NCOA2: variants seen among roughly 807,000 people sequenced by gnomAD.
The protein encoded by NCOA2 is nuclear receptor coactivator 2.
NCOA2 carries 21 observed loss-of-function variants against 145.1 expected under a neutral mutation model. That is an observed-to-expected ratio of 0.14 (90% confidence interval 0.10 to 0.21). NCOA2 has a LOEUF of 0.21. Among genes scored for constraint, NCOA2 ranks in the 10% least tolerant of loss-of-function variants. The pLI is 1.00. For missense variants in NCOA2, 1,472 were observed against 1,837.6 expected, an observed-to-expected ratio of 0.80 and a Z score of 3.64; for synonymous variants, 619 against 637.5, an observed-to-expected ratio of 0.97 and a Z score of 0.44.
the NCOA2 span, among the ~76,000 whole-genome samples, chr8:70,452,420 C>CA: frequency 6.6e-6 from 1 of 151,942 alleles, no homozygotes; most frequent in East Asian, 1.9e-4. Flanking sequence ...TAACTATAAT[C>CA]AAAAAAAGAG....
chr8:70,297,677 G>A (rs757863435), intron 1 of NCOA2, among the ~76,000 whole-genome samples: 2 of 152,132 alleles, frequency 1.3e-5, no homozygotes, highest in African/African-American at 4.8e-5. Flanking sequence ...TAATAACCAA[G>A]ATAATTTGCA....
intron 2 of NCOA2, among the ~76,000 whole-genome samples, chr8:70,243,791 GAAAAAA>G (rs200949977): frequency 1.0e-4 from 10 of 99,562 alleles, no homozygotes; most frequent in African/African-American, 2.5e-4. Context: ...ATAAAAAATG[GAAAAAA>G]AAAAAAAAAA....
At chr8:70,408,813 G>A in the NCOA2 span, among the ~76,000 whole-genome samples, 1 of 141,768 alleles carries the variant, frequency 7.1e-6, no homozygotes, top group Non-Finnish European at 1.5e-5. Context: ...TTTTTGTAGA[G>A]ATGGGGTTTC....
At chr8:70,122,526 G>C (rs568616864) in intron 21 of NCOA2, among the ~76,000 whole-genome samples, 2 of 151,994 alleles carry the variant, frequency 1.3e-5, no homozygotes, top group South Asian at 2.1e-4. Context: ...TGAATAGCTG[G>C]GATTATAGGC....
chr8:70,400,220 T>G (rs1039119951), intron 1 of NCOA2, among the ~76,000 whole-genome samples: 5 of 152,182 alleles, frequency 3.3e-5, no homozygotes, highest in Non-Finnish European at 7.4e-5. Context: ...GTGAGCTCCT[T>G]TTCTACCCTC....
intron 2 of NCOA2, among the ~76,000 whole-genome samples, chr8:70,293,578 C>T (rs771579281): frequency 6.6e-6 from 1 of 152,168 alleles, no homozygotes. Context: ...AATTCACCAA[C>T]CTACCTTCAC....
chr8:70,269,572 T>C (rs781738054), intron 2 of NCOA2, among the ~76,000 whole-genome samples: 39 of 152,334 alleles, frequency 2.6e-4, no homozygotes, highest in Middle Eastern at 3.4e-3. Flanking sequence ...TAGTGCTTAG[T>C]ATAGTCAAAA....
intron 22 of NCOA2, among the ~76,000 whole-genome samples, chr8:70,118,187 C>T (rs907445146): frequency 1.3e-5 from 2 of 152,296 alleles, no homozygotes; most frequent in Admixed American, 6.5e-5. Flanking sequence ...GGGAGGGAGA[C>T]GTAAGCCTGG....
intron 19 of NCOA2, among the ~76,000 whole-genome samples, chr8:70,126,116 G>A (rs1015031227): frequency 3.9e-5 from 6 of 152,196 alleles, no homozygotes; most frequent in African/African-American, 7.2e-5. Flanking sequence ...CTGGCAAAGG[G>A]TAGGGAAAGT....
rs556971602 is a variant in NCOA2 at position 70,188,965 on chromosome 8, G to C, written c.260-14106C>G. On this transcript the variant is annotated intron_variant, in intron 4 of 22. Transcript: ENST00000452400. ...AATGATAAAACTGATTTAACTCTCA[G>C]TAGAATAAAACATGAATACTATACC... is the stretch of plus-strand genomic sequence containing the variant. Among the ~76,000 whole-genome samples, 9 of 152,260 alleles carry C rather than the reference G, an allele frequency of 5.9e-5. No homozygotes were observed. In the South Asian group the frequency reaches 1.9e-3, roughly 32 times the overall value.
At chr8:70,143,169 C>A (rs553142616) in intron 13 of NCOA2, among the ~76,000 whole-genome samples, 1 of 152,032 alleles carries the variant, frequency 6.6e-6, no homozygotes, top group East Asian at 1.9e-4. Context: ...GGGATGGTCT[C>A]GAACTCCTGA....
intron 15 of NCOA2, among the ~76,000 whole-genome samples, chr8:70,132,670 T>TCC (rs1397714250): frequency 2.6e-5 from 4 of 152,124 alleles, no homozygotes; most frequent in Admixed American, 6.5e-5. Context: ...GCTTAGGTGA[T>TCC]CCTCCTACCT....
At chr8:70,172,361 T>G (rs977622923) in intron 5 of NCOA2, among the ~76,000 whole-genome samples, 2 of 152,254 alleles carry the variant, frequency 1.3e-5, no homozygotes, top group African/African-American at 2.4e-5. Flanking sequence ...TAGTTTGTTT[T>G]TCCCTTATGT....
chr8:70,399,723 T>C (rs1039567667), intron 1 of NCOA2, among the ~76,000 whole-genome samples: 1 of 152,256 alleles, frequency 6.6e-6, no homozygotes, highest in Non-Finnish European at 1.5e-5. Context: ...GGCCAAAATA[T>C]CAAATGAGGG....
intron 10 of NCOA2, 86 bp from the exon 11 acceptor site, chr8:70,157,326 C>T (rs1456576563): frequency 4.2e-6 from 5 of 1,193,164 alleles, no homozygotes; most frequent in Non-Finnish European, 5.7e-6. Context: ...GATATGGCCT[C>T]TTCACCTTAA....
chr8:70,415,929 A>G, the NCOA2 span, among the ~76,000 whole-genome samples: 2 of 152,304 alleles, frequency 1.3e-5, no homozygotes, highest in Admixed American at 6.5e-5. Context: ...TTTCTTCTTT[A>G]TGATATTACT....
At chr8:70,219,201 A>G (rs1167347054) in intron 2 of NCOA2, among the ~76,000 whole-genome samples, 2 of 152,156 alleles carry the variant, frequency 1.3e-5, no homozygotes, top group African/African-American at 4.8e-5. Context: ...GACTGTTTAT[A>G]ATTTGCTTGT....
chr8:70,434,537 T>C, the NCOA2 span, among the ~76,000 whole-genome samples: 38,572 of 152,030 alleles, frequency 0.25, 5,147 homozygotes, highest in Middle Eastern at 0.32. Flanking sequence ...AACTTTAGCG[T>C]AGTGTTTCTC....
At chr8:70,319,978 T>G (rs1398725877) in intron 1 of NCOA2, among the ~76,000 whole-genome samples, 1 of 152,210 alleles carries the variant, frequency 6.6e-6, no homozygotes, top group Non-Finnish European at 1.5e-5. Context: ...TGATGATGGG[T>G]AGCCTTGTTT....
Sources: gnomAD v4.1 joint callset for allele counts (sites outside exome capture counted in the v4.1 genomes callset) on GRCh38, gnomAD v4.1.1 for gene constraint, MANE v1.5 for transcripts, NCBI Gene and HGNC (gene_info 2026-07-23, HGNC 2026-07-21) for gene names.